RRM2: variants seen among roughly 807,000 people sequenced by gnomAD.
RRM2 encodes the protein ribonucleoside-diphosphate reductase subunit M2.
In RRM2, 6 loss-of-function variants were observed where a neutral mutation model predicts 45.9. That is an observed-to-expected ratio of 0.13 (90% CI 0.07 to 0.26). The LOEUF (loss-of-function observed/expected upper bound fraction) is 0.26, where lower values mean the gene tolerates loss of function less well. RRM2 is among the 10% of genes least tolerant of loss of function. The pLI, the probability that RRM2 is intolerant of heterozygous loss-of-function variation, is 1.00. For missense variants in RRM2, 343 were observed against 489.5 expected (o/e 0.70, Z 2.82); for synonymous variants, 177 against 173.0 (o/e 1.02, Z -0.18).
rs963180798 is a variant in RRM2 at position 10,204,044 on chromosome 2, T to G, written n.483-6267T>G. On this transcript the variant is annotated intron_variant and non_coding_transcript_variant, in intron 3 of 3. Transcript: ENST00000381786. This position sits in a 1 kb window ranked among gnomAD's most constrained non-coding sequence, Gnocchi z 4.0. ...AGGCCATTCAGCAGTCCTTGTGATT[T>G]TCTGAGCATACTTTAGCCTTCTAGC... Among the ~76,000 whole-genome samples, 1 of 152,090 alleles carries G rather than the reference T, an allele frequency of 6.6e-6. No homozygotes were observed. Among genetic ancestry groups the G allele is most frequent in the Non-Finnish European group, 1.5e-5 (1 of 68,020 alleles).
rs1043573353 is a variant in RRM2 at position 10,169,695 on chromosome 2, G to C, written n.482+27320G>C. On this transcript the variant is annotated intron_variant and non_coding_transcript_variant, in intron 3 of 3. Transcript: ENST00000381786. This position sits in a 1 kb window ranked among gnomAD's most constrained non-coding sequence, Gnocchi z 5.1. ...CCCCTCGAGGTCTGCACAGCCCTGA[G>C]TGCTCATGCCATGAAAATGAGTGTC... Among the ~76,000 whole-genome samples the C allele has an allele frequency of 2.6e-5, 4 of 152,166 alleles. No individual in the cohort carries two copies. Among genetic ancestry groups the C allele is most frequent in the African/African-American group, 9.7e-5 (4 of 41,438 alleles).
chr2:10,123,316 C>A (rs774168013), intron 2 of RRM2, 71 bp from the exon 3 acceptor site: 1 of 1,518,122 alleles, frequency 6.6e-7, no homozygotes, highest in Non-Finnish European at 8.8e-7. Context: ...ATGGAAAGGA[C>A]TTGGTCCAGA....
At chr2:10,200,566 A>T (rs182081450) in intron 3 of RRM2, among the ~76,000 whole-genome samples, 9 of 14,562 alleles carry the variant, frequency 6.2e-4, no homozygotes, top group Non-Finnish European at 1.7e-3. Flanking sequence ...CGCGCGCAAA[A>T]TATGAGGCCC....
At chr2:10,168,253 T>C (rs561044850) in intron 3 of RRM2, among the ~76,000 whole-genome samples, 1 of 152,144 alleles carries the variant, frequency 6.6e-6, no homozygotes, top group Admixed American at 6.5e-5. Context: ...CCTAAGGCGA[T>C]AGTTCCTTCC....
chr2:10,210,670 C>A, exon 4 of RRM2: 1 of 1,297,494 alleles, frequency 7.7e-7, no homozygotes, highest in Non-Finnish European at 1.0e-6. Flanking sequence ...ACCCGCAAAG[C>A]CTGCAGGCCA....
chr2:10,142,068 G>C, intron 2 of RRM2: 7 of 1,599,262 alleles, frequency 4.4e-6, no homozygotes, highest in Non-Finnish European at 4.3e-6. Context: ...TGTGGGGATC[G>C]ACCACGTGGT....
Position 10,205,043 on chromosome 2 carries a change from G to T in RRM2, n.483-5268G>T, listed in dbSNP as rs1044723766. Among the ~76,000 whole-genome samples the T allele has an allele frequency of 6.6e-6, 1 of 152,204 alleles. No homozygotes were observed. Among genetic ancestry groups the T allele is most frequent in the African/African-American group, 2.4e-5 (1 of 41,466 alleles). On this transcript the variant is annotated intron_variant and non_coding_transcript_variant, in intron 3 of 3. Coordinates refer to the RRM2 transcript ENST00000381786. The surrounding 1 kb of genome is among the most constrained non-coding windows in gnomAD (Gnocchi z 4.8). ...CAAGCAACCCCACGTGGTCTGCTTC[G>T]AATCCAGCAAACTTTTGTTTTCAGT...
At chr2:10,125,685 G>A (rs7603436) in intron 5 of RRM2, among the ~76,000 whole-genome samples, 112,803 of 151,610 alleles carry the variant, frequency 0.74, 43,156 homozygotes, top group African/African-American at 0.9. Context: ...GCAAAACCAA[G>A]CAAAAAAAAC....
In RRM2 at chr2:10,205,466, C is replaced by T. The variant is rs1664645582; in HGVS notation, n.483-4845C>T. On this transcript the variant is annotated intron_variant and non_coding_transcript_variant, in intron 3 of 3. Coordinates refer to the RRM2 transcript ENST00000381786. This position sits in a 1 kb window ranked among gnomAD's most constrained non-coding sequence, Gnocchi z 4.8. ...GATGAATGATTCTCTTCTCCATTCC[C>T]TCTGCTGCTCGTGGACACTCGGAGG... Among the ~76,000 whole-genome samples the T allele has an allele frequency of 6.6e-6, 1 of 152,186 alleles. No homozygotes were observed.
chr2:10,176,176 T>C (rs546768763), intron 3 of RRM2, among the ~76,000 whole-genome samples: 1 of 152,354 alleles, frequency 6.6e-6, no homozygotes, highest in South Asian at 2.1e-4. Flanking sequence ...TGTGAACATG[T>C]GTGCACAAAA....
chr2:10,186,783 G>A (rs1238480266), intron 3 of RRM2, among the ~76,000 whole-genome samples: 3 of 152,258 alleles, frequency 2.0e-5, no homozygotes, highest in African/African-American at 7.2e-5. Context: ...GCCTGAAGCA[G>A]GGTGGGGCCA....
chr2:10,155,151 G>T, intron 3 of RRM2: 2 of 334,958 alleles, frequency 6.0e-6, no homozygotes, highest in East Asian at 9.4e-5. Context: ...CATCACTCTC[G>T]GATCCTGTTT....
rs369440579 is a variant in RRM2, at chr2:10,123,899, G to T, written c.435+47G>T. 3.1e-5 allele frequency: 33 copies of T among 1,053,462 alleles called. No homozygotes were observed. In the African/African-American group the frequency reaches 4.8e-4, roughly 15 times the overall value. The allele number at this position is 1,053,462 out of a possible 1,614,324, so 65.3% of individuals were successfully genotyped here. On this transcript the variant is annotated intron_variant, in intron 4 of 9. Coordinates refer to ENST00000304567, the MANE Select transcript of RRM2 (RefSeq NM_001034.4). ...CATTCATTTGACGTTGACGATCTGA[G>T]GTCGAACTAGTTCGCTTTCCTCGTC...
chr2:10,161,330 A>T (rs1663550708), intron 3 of RRM2, among the ~76,000 whole-genome samples: 1 of 152,148 alleles, frequency 6.6e-6, no homozygotes, highest in Non-Finnish European at 1.5e-5. Flanking sequence ...AAGTGCTGCA[A>T]TTACAGGCAT....
intron 3 of RRM2, among the ~76,000 whole-genome samples, chr2:10,180,984 C>T (rs148474965): frequency 6.6e-6 from 1 of 152,288 alleles, no homozygotes; most frequent in Non-Finnish European, 1.5e-5. Context: ...CCAGGCTGGT[C>T]TTGAACTTCT....
chr2:10,173,756 C>T (rs1228320880), intron 3 of RRM2, among the ~76,000 whole-genome samples: 1 of 152,246 alleles, frequency 6.6e-6, no homozygotes, highest in East Asian at 1.9e-4. Context: ...TAACCCAGTT[C>T]AGTGAAATTG....
intron 3 of RRM2, among the ~76,000 whole-genome samples, chr2:10,203,168 C>T (rs1572536940): frequency 6.6e-6 from 1 of 152,320 alleles, no homozygotes; most frequent in African/African-American, 2.4e-5. Context: ...CAGTAATGTA[C>T]CAGGAAGCAG....
At chr2:10,154,825 T>C (rs990783153) in intron 3 of RRM2, among the ~76,000 whole-genome samples, 2 of 151,378 alleles carry the variant, frequency 1.3e-5, no homozygotes, top group Non-Finnish European at 2.9e-5. Context: ...CCTTCCCAAG[T>C]AGCTGGGATT....
chr2:10,167,177 C>T (rs1663700354), intron 3 of RRM2, among the ~76,000 whole-genome samples: 3 of 152,204 alleles, frequency 2.0e-5, no homozygotes, highest in South Asian at 4.1e-4. Context: ...ACTGTTTTAT[C>T]TGCCTTGGTT....
Sources: allele counts gnomAD v4.1 joint callset (sites outside exome capture counted in the v4.1 genomes callset), GRCh38; gene constraint gnomAD v4.1.1; non-coding constraint Gnocchi (gnomAD v3.1); transcripts MANE v1.5; gene names NCBI Gene and HGNC (gene_info 2026-07-23, HGNC 2026-07-21).